Variants in ADAMTS3 observed in about 807,000 individuals in gnomAD.
The protein encoded by ADAMTS3 is ADAM metallopeptidase with thrombospondin type 1 motif 3, also known as A disintegrin and metalloproteinase with thrombospondin motifs 3.
A neutral mutation model predicts 129.0 loss-of-function variants in ADAMTS3; 73 were observed. The observed-to-expected ratio is 0.57, with a 90% CI of 0.47 to 0.69. The LOEUF is 0.69. Ranked by LOEUF, ADAMTS3 falls within the 30% of genes least tolerant of loss-of-function variation. ADAMTS3 has a pLI of 0.00. For synonymous variants in ADAMTS3, 477 were observed against 510.8 expected, an observed-to-expected ratio of 0.93 and a Z score of 0.89; for missense variants, 1,457 against 1,514.5, an observed-to-expected ratio of 0.96 and a Z score of 0.63.
chr4:72,565,455 A>G (rs922852868), intron 2 of ADAMTS3, among the ~76,000 whole-genome samples: 4 of 152,278 alleles, frequency 2.6e-5, no homozygotes, highest in South Asian at 4.1e-4. Context: ...GGAACAGGGG[A>G]GCAAAACTAA....
Position 72,311,191 on chromosome 4 carries a change from A to G in ADAMTS3, c.1922-10T>C. ...TGGCATCTTTTCTTGGCTGCATAAG[A>G]TGGAGGATAAAATTAACTATTTACA... On this transcript the variant is annotated splice_polypyrimidine_tract_variant and intron_variant, in intron 13 of 21. Transcript: ENST00000286657. The G allele has an allele frequency of 1.2e-6, 2 of 1,604,408 alleles. No individual in the cohort carries two copies. Among genetic ancestry groups the G allele is most frequent in the Non-Finnish European group, 1.7e-6 (2 of 1,175,458 alleles).
intron 4 of ADAMTS3, among the ~76,000 whole-genome samples, chr4:72,362,521 C>A (rs1043806830): frequency 6.6e-6 from 1 of 152,054 alleles, no homozygotes; most frequent in Non-Finnish European, 1.5e-5. Context: ...AGGGACATTT[C>A]CATTTTCTTT....
chr4:72,444,832 T>A (rs1192271973), intron 3 of ADAMTS3, among the ~76,000 whole-genome samples: 1 of 151,748 alleles, frequency 6.6e-6, no homozygotes, highest in Non-Finnish European at 1.5e-5. Flanking sequence ...AAATAAAATA[T>A]GGTATAGCCA....
chr4:72,516,973 T>C (rs562467666), intron 3 of ADAMTS3, among the ~76,000 whole-genome samples: 2 of 152,298 alleles, frequency 1.3e-5, no homozygotes, highest in South Asian at 2.1e-4. Flanking sequence ...AGCTGTGAGT[T>C]TGCATAGATA....
intron 3 of ADAMTS3, among the ~76,000 whole-genome samples, chr4:72,479,391 A>G (rs1418978667): frequency 6.6e-6 from 1 of 152,216 alleles, no homozygotes; most frequent in African/African-American, 2.4e-5. Context: ...ATAATGCCAC[A>G]TATCTACAAC....
At chr4:72,516,992 T>C (rs1354991851) in intron 3 of ADAMTS3, among the ~76,000 whole-genome samples, 1 of 152,208 alleles carries the variant, frequency 6.6e-6, no homozygotes, top group African/African-American at 2.4e-5. Context: ...TAGCTCTTAA[T>C]ATTTTGAGAT....
At chr4:72,559,952 G>A (rs970317176) in intron 2 of ADAMTS3, among the ~76,000 whole-genome samples, 8 of 151,638 alleles carry the variant, frequency 5.3e-5, no homozygotes, top group African/African-American at 2.0e-4. Context: ...TATACTACAA[G>A]GCTACAATAA....
chr4:72,329,035 T>A (rs56868491), intron 5 of ADAMTS3, among the ~76,000 whole-genome samples: 1 of 152,160 alleles, frequency 6.6e-6, no homozygotes, highest in African/African-American at 2.4e-5. Flanking sequence ...TAATAACTAC[T>A]GTTTAGTGAT....
intron 3 of ADAMTS3, among the ~76,000 whole-genome samples, chr4:72,485,645 T>G (rs533407464): frequency 1.3e-5 from 2 of 152,314 alleles, no homozygotes; most frequent in South Asian, 4.1e-4. Flanking sequence ...ACTTTTCTTT[T>G]CTCTCCTGAG....
At chr4:72,333,846 TG>T (rs773806452) in intron 5 of ADAMTS3, among the ~76,000 whole-genome samples, 24 of 77,596 alleles carry the variant, frequency 3.1e-4, no homozygotes, top group African/African-American at 5.4e-4. Context: ...TTTGTTTGCT[TG>T]CTTTTTTTTT....
At chr4:72,359,804 C>A (rs1388644911) in intron 4 of ADAMTS3, among the ~76,000 whole-genome samples, 1 of 152,014 alleles carries the variant, frequency 6.6e-6, no homozygotes, top group Non-Finnish European at 1.5e-5. Context: ...GTATTAAACT[C>A]ATCACTGAGT....
At position 72,339,640 on chromosome 4, in the gene ADAMTS3, G is replaced by A; in HGVS notation, c.715C>T (p.Gln239Ter). ...CGTCTCATTGTTTCATTCAGCTGCT[G>A]GTGGATGTTGCCATAAACAGTACCT... ...DLGTVYGNIH[Q>*]QLNETMRRRR... Residue 239 changes from glutamine to a stop codon, truncating the protein, a stop_gained, in exon 5 of 22, where the codon CAG becomes TAG. Coordinates refer to ENST00000286657, the MANE Select transcript of ADAMTS3 (RefSeq NM_014243.3). LOFTEE classifies it high-confidence loss of function. 6.2e-7 allele frequency: 1 copy of A among 1,613,876 alleles called. No individual in the cohort carries two copies.
rs34075436 is a variant in ADAMTS3 at position 72,532,053 on chromosome 4, C to CAAA, written c.504+16422_504+16424dup. Among the ~76,000 whole-genome samples, 13 of 125,258 alleles carry CAAA rather than the reference C, an allele frequency of 1.0e-4. No individual in the cohort carries two copies. The East Asian group carries it at 2.4e-3, about 23-fold the overall frequency. 82.2% of individuals were successfully genotyped at this position (125,258 alleles called of 152,430 possible). On this transcript the variant is annotated intron_variant, in intron 3 of 21. Coordinates refer to ENST00000286657, the MANE Select transcript of ADAMTS3 (RefSeq NM_014243.3). ...GGAAAGGGCCAGACAGTATTACAGACAAAAAAAAAAAAAAGTTGAAATTTC... is the reference window on the plus strand; with the variant it reads ...GGAAAGGGCCAGACAGTATTACAGACAAAAAAAAAAAAAAAAAGTTGAAATTTC...
intron 3 of ADAMTS3, among the ~76,000 whole-genome samples, chr4:72,481,418 G>T (rs1393055455): frequency 6.6e-6 from 1 of 152,082 alleles, no homozygotes; most frequent in East Asian, 1.9e-4. Flanking sequence ...ACTTACTTCT[G>T]ACAAAGTTGC....
chr4:72,409,609 A>G (rs1446574890), intron 4 of ADAMTS3, among the ~76,000 whole-genome samples: 3 of 152,202 alleles, frequency 2.0e-5, no homozygotes, highest in Non-Finnish European at 4.4e-5. Flanking sequence ...ATCCTGGTCT[A>G]TCTATCTCCT....
At chr4:72,392,438 A>T (rs1426702692) in intron 4 of ADAMTS3, among the ~76,000 whole-genome samples, 1 of 152,142 alleles carries the variant, frequency 6.6e-6, no homozygotes, top group African/African-American at 2.4e-5. Context: ...CCACCCCCTT[A>T]ATCCAAAGTA....
intron 3 of ADAMTS3, among the ~76,000 whole-genome samples, chr4:72,508,601 T>C (rs1420439907): frequency 6.6e-6 from 1 of 152,112 alleles, no homozygotes; most frequent in East Asian, 1.9e-4. Flanking sequence ...GATTCAATCA[T>C]AAACAAGAGT....
At chr4:72,392,334 C>T (rs1049156900) in intron 4 of ADAMTS3, among the ~76,000 whole-genome samples, 1 of 151,528 alleles carries the variant, frequency 6.6e-6, no homozygotes, top group African/African-American at 2.4e-5. Flanking sequence ...TAACTTTCCA[C>T]AGCCTTTATA....
intron 19 of ADAMTS3, among the ~76,000 whole-genome samples, chr4:72,292,151 G>A (rs1000642317): frequency 9.9e-5 from 15 of 152,100 alleles, no homozygotes; most frequent in South Asian, 2.1e-4. Flanking sequence ...ACACACTTAC[G>A]ATTTCTTTAC....
Sources: gnomAD v4.1 joint callset for allele counts (sites outside exome capture counted in the v4.1 genomes callset) on GRCh38, gnomAD v4.1.1 for gene constraint, MANE v1.5 for transcripts, NCBI Gene and HGNC (gene_info 2026-07-23, HGNC 2026-07-21) for gene names.